The following LRRC4C variants were observed in gnomAD, a reference collection of about 807,000 sequenced individuals.
The protein encoded by LRRC4C is leucine-rich repeat-containing protein 4C.
LRRC4C carries 5 observed loss-of-function variants against 33.6 expected under a neutral mutation model. The observed-to-expected ratio is 0.15, with a 90% CI of 0.08 to 0.31. The LOEUF (loss-of-function observed/expected upper bound fraction) is 0.31. Ranked by LOEUF, LRRC4C falls within the 10% of genes least tolerant of loss-of-function variation. The pLI is 1.00. For missense variants in LRRC4C, 560 were observed against 796.7 expected, an observed-to-expected ratio of 0.70 and a Z score of 3.58; for synonymous variants, 329 against 302.0, an observed-to-expected ratio of 1.09 and a Z score of -0.93.
chr11:40,396,958 A>T (rs1272390696), intron 3 of LRRC4C, among the ~76,000 whole-genome samples: 1 of 152,104 alleles, frequency 6.6e-6, no homozygotes, highest in Non-Finnish European at 1.5e-5. Flanking sequence ...GTTTTTCTTA[A>T]ATTGATACAT....
intron 5 of LRRC4C, among the ~76,000 whole-genome samples, chr11:40,229,482 G>C (rs778159632): frequency 2.8e-4 from 43 of 151,850 alleles, no homozygotes; most frequent in Non-Finnish European, 5.2e-4. Flanking sequence ...CATGTTGGCC[G>C]GGCTGGTCTT....
rs573336253 is a variant in LRRC4C at position 40,569,624 on chromosome 11, G to A, written c.-270+78518C>T. Among the ~76,000 whole-genome samples, 184 of 152,092 alleles carry A rather than the reference G, an allele frequency of 1.2e-3. 2 individuals are homozygous for A. Among genetic ancestry groups the A allele is most frequent in the Non-Finnish European group, 2.0e-3 (133 of 67,996 alleles). On this transcript the variant is annotated intron_variant, in intron 3 of 6. Coordinates refer to ENST00000528697, the MANE Select transcript of LRRC4C (RefSeq NM_001258419.2). Reference sequence around the variant, plus strand: ...CCAGTTTTTTTGGACTATAAAATGCGACTAGCACTGTCTGTTCTACAGGGA... The same window carrying A: ...CCAGTTTTTTTGGACTATAAAATGCAACTAGCACTGTCTGTTCTACAGGGA...
intron 2 of LRRC4C, among the ~76,000 whole-genome samples, chr11:40,655,360 T>A (rs1354828425): frequency 6.6e-6 from 1 of 152,212 alleles, no homozygotes; most frequent in Non-Finnish European, 1.5e-5. Flanking sequence ...TGAAGTAAAC[T>A]CAAGGAGGTA....
intron 3 of LRRC4C, among the ~76,000 whole-genome samples, chr11:40,555,243 G>A (rs1337289455): frequency 1.3e-5 from 2 of 152,012 alleles, no homozygotes; most frequent in Non-Finnish European, 2.9e-5. Flanking sequence ...CTGTGTTAAG[G>A]GACAGACCGA....
chr11:40,805,666 T>G (rs955678364), intron 2 of LRRC4C, among the ~76,000 whole-genome samples: 11 of 152,102 alleles, frequency 7.2e-5, no homozygotes, highest in Non-Finnish European at 1.6e-4. Context: ...TTGTTGACAC[T>G]AGGGAGTCTT....
intron 3 of LRRC4C, among the ~76,000 whole-genome samples, chr11:40,586,936 T>G (rs1293654330): frequency 6.6e-6 from 1 of 152,178 alleles, no homozygotes; most frequent in South Asian, 2.1e-4. Context: ...TCTTTTGGCT[T>G]AGGATTGATT....
At chr11:41,237,889 C>A (rs908606533) in intron 1 of LRRC4C, among the ~76,000 whole-genome samples, 9 of 152,026 alleles carry the variant, frequency 5.9e-5, no homozygotes, top group Admixed American at 5.2e-4. Context: ...ACAAATAAAA[C>A]CTACCTTCAC....
At chr11:40,794,781 T>C (rs1160956503) in intron 2 of LRRC4C, among the ~76,000 whole-genome samples, 1 of 152,090 alleles carries the variant, frequency 6.6e-6, no homozygotes, top group Non-Finnish European at 1.5e-5. Context: ...GCCAGGAGTG[T>C]AGGGAAACAA....
intron 1 of LRRC4C, among the ~76,000 whole-genome samples, chr11:41,402,525 A>G (rs986189): frequency 0.92 from 139,759 of 152,046 alleles, 64,316 homozygotes; most frequent in East Asian, 1. Flanking sequence ...GAAATGTGGA[A>G]GACATGCTGA....
intron 3 of LRRC4C, among the ~76,000 whole-genome samples, chr11:40,561,149 G>A (rs1203511321): frequency 1.3e-5 from 2 of 152,098 alleles, no homozygotes; most frequent in Non-Finnish European, 2.9e-5. Flanking sequence ...GGGTTGCTCA[G>A]CACAATGCTA....
At chr11:41,017,725 G>A (rs1003653561) in intron 1 of LRRC4C, among the ~76,000 whole-genome samples, 25 of 150,718 alleles carry the variant, frequency 1.7e-4, no homozygotes, top group Non-Finnish European at 3.1e-4. Flanking sequence ...ATTATTAAGT[G>A]CTCTATATAG....
At chr11:41,021,289 GAA>G (rs1855968099) in intron 1 of LRRC4C, among the ~76,000 whole-genome samples, 1 of 66,736 alleles carries the variant, frequency 1.5e-5, no homozygotes, top group Admixed American at 1.3e-4. Context: ...AAATCTCCAA[GAA>G]ATAAAAAAAA....
intron 1 of LRRC4C, among the ~76,000 whole-genome samples, chr11:41,307,538 TTGTTGCATG>T (rs771509382): frequency 6.6e-6 from 1 of 152,180 alleles, no homozygotes; most frequent in Non-Finnish European, 1.5e-5. Flanking sequence ...AAACACAGCC[TTGTTGCATG>T]TGGGCTGAGC....
chr11:40,846,212 G>A (rs1036511914), intron 2 of LRRC4C, among the ~76,000 whole-genome samples: 4 of 152,036 alleles, frequency 2.6e-5, no homozygotes, highest in African/African-American at 9.7e-5. Flanking sequence ...TTTGGCTTTT[G>A]TTGCCATTGC....
chr11:41,285,342 TA>T (rs1330533123), intron 1 of LRRC4C, among the ~76,000 whole-genome samples: 3 of 152,204 alleles, frequency 2.0e-5, no homozygotes, highest in African/African-American at 7.2e-5. Context: ...TCACAGCCTA[TA>T]AGAAATAGCT....
intron 1 of LRRC4C, among the ~76,000 whole-genome samples, chr11:41,022,741 C>A (rs1856070258): frequency 6.6e-6 from 1 of 151,962 alleles, no homozygotes; most frequent in Non-Finnish European, 1.5e-5. Context: ...AAGAAAGCAA[C>A]TGAAGAGTTT....
At chr11:40,418,205 A>G (rs766762740) in intron 3 of LRRC4C, among the ~76,000 whole-genome samples, 2 of 152,164 alleles carry the variant, frequency 1.3e-5, no homozygotes, top group African/African-American at 2.4e-5. Context: ...CAATCTATCT[A>G]TTTATAGAAA....
chr11:40,761,108 T>A (rs924921258), intron 2 of LRRC4C, among the ~76,000 whole-genome samples: 1 of 151,908 alleles, frequency 6.6e-6, no homozygotes, highest in African/African-American at 2.4e-5. Flanking sequence ...TTAATTTTAG[T>A]TTGGAATCTG....
intron 1 of LRRC4C, among the ~76,000 whole-genome samples, chr11:41,058,119 G>C (rs1379603439): frequency 6.6e-6 from 1 of 152,226 alleles, no homozygotes; most frequent in Admixed American, 6.5e-5. Flanking sequence ...CTCCTGGCTT[G>C]CCATGCTGTG....
Sources: allele counts gnomAD v4.1 joint callset (sites outside exome capture counted in the v4.1 genomes callset), GRCh38; gene constraint gnomAD v4.1.1; transcripts MANE v1.5; gene names NCBI Gene and HGNC (gene_info 2026-07-23, HGNC 2026-07-21).